VAV2: variants seen among roughly 807,000 people sequenced by gnomAD.
VAV2 encodes guanine nucleotide exchange factor VAV2.
In VAV2, 67 loss-of-function variants were observed where a neutral mutation model predicts 132.5. That is an observed-to-expected ratio of 0.51 (90% confidence interval 0.42 to 0.62). The LOEUF (loss-of-function observed/expected upper bound fraction) is 0.62. Among genes scored for constraint, VAV2 ranks in the 20% least tolerant of loss-of-function variants. The pLI is 0.00. For missense variants in VAV2, 938 were observed against 1,153.6 expected, an observed-to-expected ratio of 0.81 and a Z score of 2.71; for synonymous variants, 492 against 443.5, an observed-to-expected ratio of 1.11 and a Z score of -1.37.
At chr9:133,868,522 C>T (rs541186966) in intron 2 of VAV2, among the ~76,000 whole-genome samples, 16 of 152,178 alleles carry the variant, frequency 1.1e-4, no homozygotes, top group South Asian at 2.1e-4. Flanking sequence ...CAGGGACTCG[C>T]GCACAGCTTG....
chr9:133,871,659 C>T (rs1838060772), intron 2 of VAV2, among the ~76,000 whole-genome samples: 1 of 152,118 alleles, frequency 6.6e-6, no homozygotes, highest in African/African-American at 2.4e-5. Flanking sequence ...TTGACAATTT[C>T]TGTACAAATG....
At chr9:133,956,940 G>A (rs1289416487) in intron 1 of VAV2, among the ~76,000 whole-genome samples, 1 of 152,218 alleles carries the variant, frequency 6.6e-6, no homozygotes, top group Non-Finnish European at 1.5e-5. Context: ...GCAGGGAGCT[G>A]AACTCCAGTC....
intron 1 of VAV2, among the ~76,000 whole-genome samples, chr9:133,974,967 G>A (rs1842459538): frequency 6.6e-6 from 1 of 152,190 alleles, no homozygotes; most frequent in Non-Finnish European, 1.5e-5. Flanking sequence ...CCTCCTGCAG[G>A]GCCTTCCACG....
intron 2 of VAV2, among the ~76,000 whole-genome samples, chr9:133,865,279 G>T (rs942643803): frequency 2.0e-5 from 3 of 152,192 alleles, no homozygotes; most frequent in Non-Finnish European, 4.4e-5. Flanking sequence ...ACCCAATCTT[G>T]CATGGCCTTC....
rs1834965294 is a variant in VAV2 at position 133,802,347 on chromosome 9, CACACACACG to C, written c.836+3725_836+3733del. Among the ~76,000 whole-genome samples the C allele has an allele frequency of 6.6e-6, 1 of 151,602 alleles. No homozygotes were observed. The highest frequency in any genetic ancestry group is 2.4e-5 in the African/African-American group (1 of 41,080). ...GTACACACACACACACACACACACA[CACACACACG>C]ACTTCATGCATTCCTGGTCTGGTTG... On this transcript the variant is annotated intron_variant, in intron 9 of 29. Coordinates refer to ENST00000371850, the MANE Select transcript of VAV2 (RefSeq NM_001134398.2). This position sits in a 1 kb window ranked among gnomAD's most constrained non-coding sequence, Gnocchi z 5.8.
At chr9:133,895,082 G>A (rs1839143295) in intron 2 of VAV2, among the ~76,000 whole-genome samples, 1 of 152,118 alleles carries the variant, frequency 6.6e-6, no homozygotes, top group South Asian at 2.1e-4. Flanking sequence ...CAAGCTCCAA[G>A]CCGAGGCACC....
chr9:133,780,060 G>C (rs1833953516), intron 20 of VAV2, 121 bp from the exon 21 acceptor site: 1 of 1,368,500 alleles, frequency 7.3e-7, no homozygotes, highest in Non-Finnish European at 1.0e-6. Context: ...GTCAAGGCAG[G>C]AGCAGGGGAG....
chr9:133,875,106 G>A (rs1838210248), intron 2 of VAV2, among the ~76,000 whole-genome samples: 1 of 152,200 alleles, frequency 6.6e-6, no homozygotes, highest in Non-Finnish European at 1.5e-5. Flanking sequence ...CAGACTGAGC[G>A]CTTCACGGGA....
rs1254217080 is a variant in VAV2, at chr9:133,884,115, G to A, written c.322-22683C>T. Among the ~76,000 whole-genome samples, 2 of 151,736 alleles carry A rather than the reference G, an allele frequency of 1.3e-5. No individual in the cohort carries two copies. The highest frequency in any genetic ancestry group is 2.9e-5 in the Non-Finnish European group (2 of 67,978). ...TGCAGTGAGCTGAGATTGCGCCACTGCATTCCAGCCTGGCAACAGCCAGAC... is the reference window on the plus strand; with the variant it reads ...TGCAGTGAGCTGAGATTGCGCCACTACATTCCAGCCTGGCAACAGCCAGAC... On this transcript the variant is annotated intron_variant, in intron 2 of 29. Transcript: ENST00000371850. This position sits in a 1 kb window ranked among gnomAD's most constrained non-coding sequence, Gnocchi z 5.3.
chr9:133,898,579 G>C (rs886354680), intron 2 of VAV2, among the ~76,000 whole-genome samples: 3 of 152,092 alleles, frequency 2.0e-5, no homozygotes, highest in Non-Finnish European at 4.4e-5. Flanking sequence ...GGGCGACACA[G>C]CGAGACTCTG....
At chr9:133,878,887 C>T (rs1838375223) in intron 2 of VAV2, among the ~76,000 whole-genome samples, 1 of 152,220 alleles carries the variant, frequency 6.6e-6, no homozygotes, top group Admixed American at 6.5e-5. Context: ...GCCTCCTTTG[C>T]ACATATGCCA....
rs142325184 is a variant in VAV2 at position 133,827,187 on chromosome 9, G to A, written c.449+7085C>T. ...GTGCCACCTACCGCTGCGCCCACTG[G>A]GGCTGACCACTGAGCATGGGCATCG... On this transcript the variant is annotated intron_variant, in intron 4 of 29. Transcript: ENST00000371850. Among the ~76,000 whole-genome samples the A allele has an allele frequency of 8.5e-3, 1,229 of 145,116 alleles. 46 individuals are homozygous for A. Among genetic ancestry groups the A allele is most frequent in the African/African-American group, 0.025 (958 of 37,710 alleles).
At chr9:133,797,584 T>G in intron 10 of VAV2, 126 bp downstream of exon 10, 1 of 821,312 alleles carries the variant, frequency 1.2e-6, no homozygotes, top group Admixed American at 2.9e-5. Context: ...AAAAAACCAT[T>G]ACGTCATCAC....
At chr9:133,897,179 G>T (rs938335215) in intron 2 of VAV2, among the ~76,000 whole-genome samples, 1 of 152,200 alleles carries the variant, frequency 6.6e-6, no homozygotes, top group Non-Finnish European at 1.5e-5. Context: ...GCACATGCTG[G>T]TTATTGCTGA....
At chr9:133,820,000 T>C (rs1450825480) in intron 4 of VAV2, among the ~76,000 whole-genome samples, 2 of 152,188 alleles carry the variant, frequency 1.3e-5, no homozygotes, top group African/African-American at 4.8e-5. Flanking sequence ...ATGTAATGGG[T>C]TTAACCAGTA....
At chr9:133,812,071 A>AGGGAAGGGAG (rs537443132) in intron 5 of VAV2, 43 bp downstream of exon 5, 65 of 1,591,082 alleles carry the variant, frequency 4.1e-5, no homozygotes, top group Middle Eastern at 1.7e-4. Context: ...CTGCTCTGCG[A>AGGGAAGGGAG]GGGAAGGGAG....
At chr9:133,984,855 C>T (rs1286901333) in intron 1 of VAV2, among the ~76,000 whole-genome samples, 4 of 151,492 alleles carry the variant, frequency 2.6e-5, no homozygotes, top group Non-Finnish European at 5.9e-5. Context: ...TTGTAGTGAG[C>T]CAAGATTGTG....
chr9:133,866,062 G>A lies in VAV2; in HGVS notation c.322-4630C>T, dbSNP rs73662310. Among the ~76,000 whole-genome samples, 1,134 of 152,246 alleles carry A rather than the reference G, an allele frequency of 7.4e-3. 18 individuals are homozygous for A. Among genetic ancestry groups the A allele is most frequent in the African/African-American group, 0.026 (1,062 of 41,556 alleles). On this transcript the variant is annotated intron_variant, in intron 2 of 29. Transcript: ENST00000371850. ...CTCAGCCTTCCTGGCTCAGCTCTCT[G>A]CACTGCCTCCATTCCATCTCCCTCA...
intron 1 of VAV2, among the ~76,000 whole-genome samples, chr9:133,988,714 G>A (rs953957079): frequency 1.3e-5 from 2 of 152,172 alleles, no homozygotes; most frequent in Admixed American, 6.5e-5. Flanking sequence ...ATGAGGTCAG[G>A]AGTTCGAGAC....
Sources: gnomAD v4.1 joint callset for allele counts (sites outside exome capture counted in the v4.1 genomes callset) on GRCh38, gnomAD v4.1.1 for gene constraint, Gnocchi (gnomAD v3.1) non-coding constraint, MANE v1.5 for transcripts, NCBI Gene and HGNC (gene_info 2026-07-23, HGNC 2026-07-21) for gene names.